DLGAP2: variants seen among roughly 807,000 people sequenced by gnomAD.
DLGAP2 encodes the protein DLG associated protein 2.
A neutral mutation model predicts 100.3 loss-of-function variants in DLGAP2; 26 were observed. That is an observed-to-expected ratio of 0.26 (90% CI 0.19 to 0.36). DLGAP2 has a LOEUF of 0.36. Ranked by LOEUF, DLGAP2 falls within the 10% of genes least tolerant of loss-of-function variation. The pLI, the probability that DLGAP2 is intolerant of heterozygous loss-of-function variation, is 1.00. For synonymous variants in DLGAP2, 886 were observed against 630.1 expected, an observed-to-expected ratio of 1.41 and a Z score of -6.08; for missense variants, 1,858 against 1,453.2, an observed-to-expected ratio of 1.28 and a Z score of -4.53.
chr8:1,255,038 A>AGCCGCTGTGTGTGTGTCCTCTCCTGCCCG (rs1799155271), intron 2 of DLGAP2, among the ~76,000 whole-genome samples: 1 of 99,552 alleles, frequency 1.0e-5, no homozygotes, highest in Admixed American at 1.0e-4. Context: ...TCTCCTGCCC[A>AGCCGCTGTGTGTGTGTCCTCTCCTGCCCG]GCCGCTGTGT....
intron 6 of DLGAP2, among the ~76,000 whole-genome samples, chr8:1,575,298 G>A (rs539188837): frequency 6.6e-6 from 1 of 152,000 alleles, no homozygotes; most frequent in East Asian, 1.9e-4. Flanking sequence ...CCAAAATACA[G>A]AAAAACAAAC....
At chr8:839,548 A>G (rs1796943034) in intron 1 of DLGAP2, among the ~76,000 whole-genome samples, 1 of 152,152 alleles carries the variant, frequency 6.6e-6, no homozygotes, top group South Asian at 2.1e-4. Flanking sequence ...AGAGAGTACC[A>G]TGGTGGTTCC....
At chr8:894,073 A>T (rs1798091315) in intron 1 of DLGAP2, among the ~76,000 whole-genome samples, 1 of 152,078 alleles carries the variant, frequency 6.6e-6, no homozygotes, top group Non-Finnish European at 1.5e-5. Flanking sequence ...CTCGTGCGTG[A>T]GACGTCCTTG....
At chr8:798,570 C>A (rs1165523052) in intron 1 of DLGAP2, among the ~76,000 whole-genome samples, 5 of 138,176 alleles carry the variant, frequency 3.6e-5, no homozygotes, top group African/African-American at 1.4e-4. Flanking sequence ...GTGCCTGCTT[C>A]TGTTGGCACT....
chr8:1,644,119 C>G (rs1283401387), intron 8 of DLGAP2, among the ~76,000 whole-genome samples: 1 of 148,706 alleles, frequency 6.7e-6, no homozygotes, highest in Non-Finnish European at 1.5e-5. Context: ...CCCCGCCGGC[C>G]CTCACCTGTG....
chr8:1,634,174 G>A (rs1001432573), intron 8 of DLGAP2, among the ~76,000 whole-genome samples: 2 of 152,192 alleles, frequency 1.3e-5, no homozygotes, highest in African/African-American at 2.4e-5. Flanking sequence ...TCTGACTCTT[G>A]GTTTCTGCGG....
At chr8:1,690,725 A>T (rs975289138) in intron 12 of DLGAP2, among the ~76,000 whole-genome samples, 14 of 147,736 alleles carry the variant, frequency 9.5e-5, no homozygotes, top group African/African-American at 3.6e-4. Flanking sequence ...AAAAAAAAAA[A>T]AAAATTAGTA....
At chr8:1,216,944 G>T (rs1330857985) in intron 2 of DLGAP2, among the ~76,000 whole-genome samples, 10 of 152,164 alleles carry the variant, frequency 6.6e-5, no homozygotes, top group Non-Finnish European at 4.4e-5. Context: ...CAAGGATGAT[G>T]TTGCTGCTTG....
chr8:987,695 C>A (rs963424145), intron 2 of DLGAP2, among the ~76,000 whole-genome samples: 70 of 152,018 alleles, frequency 4.6e-4, no homozygotes, highest in African/African-American at 1.7e-3. Context: ...AGCTTTTCTG[C>A]CTGGAGGTGG....
intron 6 of DLGAP2, among the ~76,000 whole-genome samples, chr8:1,591,920 G>A (rs993979910): frequency 2.0e-5 from 3 of 152,232 alleles, no homozygotes; most frequent in South Asian, 2.1e-4. Flanking sequence ...CACCCGGGGC[G>A]GTGGATGGAG....
At chr8:1,186,271 T>C (rs751765706) in intron 2 of DLGAP2, among the ~76,000 whole-genome samples, 11 of 152,228 alleles carry the variant, frequency 7.2e-5, no homozygotes, top group Non-Finnish European at 2.9e-5. Context: ...GGGCCGAGCA[T>C]CTGCGAACCT....
chr8:1,674,309 T>A (rs1449674902), intron 10 of DLGAP2, among the ~76,000 whole-genome samples: 4 of 152,208 alleles, frequency 2.6e-5, no homozygotes. Context: ...CCTCCCAAAG[T>A]GCTGGGATTA....
rs902994157 is a variant in DLGAP2, at chr8:946,474, A to G, written c.73+38508A>G. Among the ~76,000 whole-genome samples, 46 of 151,990 alleles carry G rather than the reference A, an allele frequency of 3.0e-4. 1 individual carries two copies. Among genetic ancestry groups the G allele is most frequent in the South Asian group, 4.2e-4 (2 of 4,810 alleles). On this transcript the variant is annotated intron_variant, in intron 2 of 14. Transcript: ENST00000637795. ...GAGACGGGGTTTCACCATATTAGCC[A>G]GGATGGTCTCGATCTCCTGACCTTG...
chr8:868,576 C>T (rs1797539807), intron 1 of DLGAP2, among the ~76,000 whole-genome samples: 1 of 152,218 alleles, frequency 6.6e-6, no homozygotes, highest in Admixed American at 6.5e-5. Flanking sequence ...AAAAAGTGTC[C>T]ATCATCTCTG....
rs150872298 is a variant in DLGAP2, at chr8:1,208,165, A to G, written c.74-50686A>G. Among the ~76,000 whole-genome samples, 754 of 152,312 alleles carry G rather than the reference A, an allele frequency of 5.0e-3. 5 individuals are homozygous for G. Among genetic ancestry groups the G allele is most frequent in the African/African-American group, 0.017 (711 of 41,568 alleles). Reference sequence around the variant, plus strand: ...GCCAATGTCTAGAAGGGTTTTTCCAATGCCATCTTCTAGAATATTTAGGGT... The same window carrying G: ...GCCAATGTCTAGAAGGGTTTTTCCAGTGCCATCTTCTAGAATATTTAGGGT... On this transcript the variant is annotated intron_variant, in intron 2 of 14. Coordinates refer to ENST00000637795, the MANE Select transcript of DLGAP2 (RefSeq NM_001346810.2).
At chr8:1,422,829 G>T (rs574547915) in intron 3 of DLGAP2, among the ~76,000 whole-genome samples, 5 of 152,168 alleles carry the variant, frequency 3.3e-5, no homozygotes, top group African/African-American at 1.2e-4. Flanking sequence ...GTCTTCAAAT[G>T]TGAGAGCTGC....
intron 3 of DLGAP2, among the ~76,000 whole-genome samples, chr8:1,353,259 A>G (rs888133508): frequency 2.6e-5 from 4 of 152,186 alleles, no homozygotes; most frequent in African/African-American, 9.7e-5. Context: ...GGCTTTCTCT[A>G]GACACATGTG....
chr8:1,358,934 T>G lies in DLGAP2; in HGVS notation c.106+100051T>G, dbSNP rs572086335. ...GTGCAGAGGCCCCAAAGGGAGAGAG[T>G]CTAGCTGGTCAGCAGCAGAACCTCT... On this transcript the variant is annotated intron_variant, in intron 3 of 14. Coordinates refer to ENST00000637795, the MANE Select transcript of DLGAP2 (RefSeq NM_001346810.2). 6.9e-4 allele frequency among the ~76,000 whole-genome samples: 105 copies of G among 151,152 alleles called. No individual in the cohort carries two copies. In the Middle Eastern group the frequency reaches 0.01, roughly 15 times the overall value.
intron 2 of DLGAP2, among the ~76,000 whole-genome samples, chr8:1,243,132 C>T (rs1798834041): frequency 6.6e-6 from 1 of 152,184 alleles, no homozygotes; most frequent in South Asian, 2.1e-4. Flanking sequence ...GGCGGTTACC[C>T]TGAGCACTGC....
Sources: allele counts gnomAD v4.1 joint callset (sites outside exome capture counted in the v4.1 genomes callset), GRCh38; gene constraint gnomAD v4.1.1; transcripts MANE v1.5; gene names NCBI Gene and HGNC (gene_info 2026-07-23, HGNC 2026-07-21).